The following NEK7 variants were observed in gnomAD, a reference collection of about 807,000 sequenced individuals.
NEK7 encodes the protein NIMA related kinase 7.
Under a neutral mutation model 44.6 loss-of-function variants are expected in NEK7, and 18 were observed. The observed-to-expected ratio is 0.40, with a 90% CI of 0.28 to 0.60. The LOEUF is 0.60. Among genes scored for constraint, NEK7 ranks in the 20% least tolerant of loss-of-function variants. The pLI, the probability that NEK7 is intolerant of heterozygous loss-of-function variation, is 0.38. For missense variants in NEK7, 256 were observed against 366.5 expected, an observed-to-expected ratio of 0.70 and a Z score of 2.46; for synonymous variants, 130 against 121.1, an observed-to-expected ratio of 1.07 and a Z score of -0.48.
At chr1:198,268,638 A>G (rs946426663) in intron 5 of NEK7, among the ~76,000 whole-genome samples, 4 of 152,116 alleles carry the variant, frequency 2.6e-5, no homozygotes, top group African/African-American at 9.7e-5. Flanking sequence ...ACTTCCTTTC[A>G]ATCACATCTT....
At chr1:198,233,382 A>G (rs1268061568) in intron 2 of NEK7, among the ~76,000 whole-genome samples, 2 of 152,180 alleles carry the variant, frequency 1.3e-5, no homozygotes, top group African/African-American at 4.8e-5. Flanking sequence ...ACGTGTAATG[A>G]CATGTTTAAA....
chr1:198,306,367 AGT>A (rs1289069420), intron 9 of NEK7, among the ~76,000 whole-genome samples: 2 of 152,186 alleles, frequency 1.3e-5, no homozygotes, highest in African/African-American at 4.8e-5. Flanking sequence ...GGAATATCTA[AGT>A]ACTATAACCC....
In NEK7 at chr1:198,216,570, T is replaced by G. The variant is rs549673854; in HGVS notation, c.-28-15983T>G. On this transcript the variant is annotated intron_variant, in intron 1 of 9. Transcript: ENST00000367385. ...ACCCAAGCTAGCAGAGGAAAAGAAG[T>G]AACGAAGATCAGGGCAGAACTAAAT... Among the ~76,000 whole-genome samples, 3 of 150,758 alleles carry G rather than the reference T, an allele frequency of 2.0e-5. No individual in the cohort carries two copies. In the South Asian group the frequency reaches 6.3e-4, roughly 32 times the overall value.
chr1:198,277,618 G>A (rs1054728965), intron 5 of NEK7: 3 of 165,644 alleles, frequency 1.8e-5, no homozygotes, highest in Non-Finnish European at 3.9e-5. Flanking sequence ...TTACCTACTG[G>A]TATCTAGACT....
chr1:198,225,426 CTCTCGTCA>C (rs1245724117), intron 1 of NEK7, among the ~76,000 whole-genome samples: 1 of 151,870 alleles, frequency 6.6e-6, no homozygotes, highest in Non-Finnish European at 1.5e-5. Flanking sequence ...CTCATGATGG[CTCTCGTCA>C]TCTCTTGTCT....
intron 5 of NEK7, among the ~76,000 whole-genome samples, chr1:198,267,171 AC>A (rs908225648): frequency 2.6e-5 from 4 of 152,102 alleles, no homozygotes; most frequent in African/African-American, 9.6e-5. Flanking sequence ...TAGATTTATA[AC>A]CATTGTGCAC....
chr1:198,253,024 A>C lies in NEK7; in HGVS notation c.58-16A>C. On this transcript the variant is annotated splice_polypyrimidine_tract_variant and intron_variant, in intron 2 of 9. Coordinates refer to ENST00000367385, the MANE Select transcript of NEK7 (RefSeq NM_133494.3). ...TATTGTGTGATTGAAAATTTTTCTGACATTTTTAATTACAGAAGGCCTTAC... is the reference window on the plus strand; with the variant it reads ...TATTGTGTGATTGAAAATTTTTCTGCCATTTTTAATTACAGAAGGCCTTAC... The C allele has an allele frequency of 6.3e-7, 1 of 1,594,546 alleles. No homozygotes were observed. Among genetic ancestry groups the C allele is most frequent in the East Asian group, 2.2e-5 (1 of 44,520 alleles).
chr1:198,254,562 A>C (rs1281676268), intron 3 of NEK7, among the ~76,000 whole-genome samples: 1 of 151,944 alleles, frequency 6.6e-6, no homozygotes, highest in Non-Finnish European at 1.5e-5. Context: ...TATAATATTC[A>C]CTTGTTCTTG....
At chr1:198,189,939 C>T (rs982563923) in intron 1 of NEK7, among the ~76,000 whole-genome samples, 1 of 152,008 alleles carries the variant, frequency 6.6e-6, no homozygotes, top group Non-Finnish European at 1.5e-5. Flanking sequence ...AGAGGAGGGT[C>T]ATTATTTTGT....
intron 3 of NEK7, among the ~76,000 whole-genome samples, chr1:198,257,673 A>G (rs1385724361): frequency 6.6e-6 from 1 of 152,218 alleles, no homozygotes; most frequent in Non-Finnish European, 1.5e-5. Context: ...ATGACATTTA[A>G]AAGATACAGA....
intron 4 of NEK7, 77 bp downstream of exon 4, chr1:198,262,714 C>A: frequency 1.2e-6 from 1 of 849,936 alleles, no homozygotes; most frequent in Non-Finnish European, 1.8e-6. Context: ...CACTTAAACA[C>A]AAAAAGGTTT....
At chr1:198,236,446 A>G (rs1466930345) in intron 2 of NEK7, among the ~76,000 whole-genome samples, 1 of 152,142 alleles carries the variant, frequency 6.6e-6, no homozygotes, top group East Asian at 1.9e-4. Flanking sequence ...ATGGCCATGA[A>G]ACTCAAAGCC....
At chr1:198,212,371 CTAGCCGCTGT>C (rs1665798547) in intron 1 of NEK7, among the ~76,000 whole-genome samples, 1 of 152,182 alleles carries the variant, frequency 6.6e-6, no homozygotes, top group Non-Finnish European at 1.5e-5. Context: ...TGGAATTCAG[CTAGCCGCTGT>C]TAGCAAAACA....
At chr1:198,273,081 A>G (rs1184378402) in intron 5 of NEK7, among the ~76,000 whole-genome samples, 2 of 151,776 alleles carry the variant, frequency 1.3e-5, no homozygotes, top group Non-Finnish European at 3.0e-5. Flanking sequence ...TTTATATTCT[A>G]TTATAATCTA....
At chr1:198,225,160 T>G (rs566147370) in intron 1 of NEK7, among the ~76,000 whole-genome samples, 1 of 150,724 alleles carries the variant, frequency 6.6e-6, no homozygotes, top group South Asian at 2.1e-4. Flanking sequence ...CTGGACCACA[T>G]AGTGAGACCC....
chr1:198,315,737 A>G (rs370404748), intron 9 of NEK7, among the ~76,000 whole-genome samples: 7 of 152,248 alleles, frequency 4.6e-5, no homozygotes, highest in Admixed American at 2.6e-4. Context: ...ATGAATTTCA[A>G]ATTTTTGACT....
intron 2 of NEK7, among the ~76,000 whole-genome samples, chr1:198,248,406 C>A (rs573880823): frequency 6.6e-6 from 1 of 152,178 alleles, no homozygotes; most frequent in Admixed American, 6.5e-5. Flanking sequence ...AAATTTATAA[C>A]CTGAATTTAG....
chr1:198,232,649 T>C lies in NEK7; in HGVS notation c.57+12T>C. The stretch of plus-strand genomic sequence containing the variant: ...AGTTCCAACCACAGGTAATTTATCC[T>C]AATTAAGATGGGCAGAACTATATAT... On this transcript the variant is annotated intron_variant, in intron 2 of 9. Transcript: ENST00000367385. 1 of 1,514,752 alleles carries C rather than the reference T, an allele frequency of 6.6e-7. No individual in the cohort carries two copies. The highest frequency in any genetic ancestry group is 9.2e-7 in the Non-Finnish European group (1 of 1,090,120). 93.8% of individuals were successfully genotyped at this position (1,514,752 alleles called of 1,614,324 possible). A position where few individuals can be genotyped will look rare whatever the true frequency, so the allele number is the denominator to read the frequency against.
chr1:198,190,578 C>T (rs1344636118), intron 1 of NEK7, among the ~76,000 whole-genome samples: 1 of 151,994 alleles, frequency 6.6e-6, no homozygotes, highest in Non-Finnish European at 1.5e-5. Flanking sequence ...AGGATACTCT[C>T]TAAAGTCCCT....
Sources: allele counts gnomAD v4.1 joint callset (sites outside exome capture counted in the v4.1 genomes callset), GRCh38; gene constraint gnomAD v4.1.1; transcripts MANE v1.5; gene names NCBI Gene and HGNC (gene_info 2026-07-23, HGNC 2026-07-21).